Variants in EPHA6 observed in about 807,000 individuals in gnomAD.
The protein encoded by EPHA6 is ephrin type-A receptor 6.
Under a neutral mutation model 112.0 loss-of-function variants are expected in EPHA6, and 50 were observed. The ratio of observed to expected loss-of-function variants is 0.45; its 90% CI spans 0.36 to 0.56. The LOEUF is 0.56. Among genes scored for constraint, EPHA6 ranks in the 20% least tolerant of loss-of-function variants. The pLI, the probability that EPHA6 is intolerant of heterozygous loss-of-function variation, is 0.00. For missense variants in EPHA6, 1,280 were observed against 1,417.4 expected (o/e 0.90, Z 1.56); for synonymous variants, 529 against 490.7 (o/e 1.08, Z -1.03).
intron 3 of EPHA6, among the ~76,000 whole-genome samples, chr3:97,150,088 A>G (rs1370960583): frequency 6.6e-6 from 1 of 151,536 alleles, no homozygotes; most frequent in African/African-American, 2.4e-5. Flanking sequence ...TGTAGATGCA[A>G]TAAAGTAATT....
At chr3:97,024,233 T>C (rs562016677) in intron 3 of EPHA6, among the ~76,000 whole-genome samples, 3 of 152,268 alleles carry the variant, frequency 2.0e-5, no homozygotes, top group South Asian at 4.1e-4. Context: ...TGTAAATATT[T>C]CTCATATGTT....
At chr3:97,164,753 T>G (rs1333070159) in intron 3 of EPHA6, among the ~76,000 whole-genome samples, 6 of 152,120 alleles carry the variant, frequency 3.9e-5, no homozygotes, top group Non-Finnish European at 8.8e-5. Flanking sequence ...CTTTACTTTT[T>G]CTCTCTTCGC....
intron 5 of EPHA6, among the ~76,000 whole-genome samples, chr3:97,362,535 T>G (rs1303335560): frequency 2.6e-5 from 4 of 152,074 alleles, no homozygotes; most frequent in African/African-American, 9.7e-5. Flanking sequence ...GAATGTTATA[T>G]GTATATGTTT....
At chr3:97,655,190 G>A (rs887009695) in intron 14 of EPHA6, among the ~76,000 whole-genome samples, 6 of 150,472 alleles carry the variant, frequency 4.0e-5, no homozygotes, top group African/African-American at 1.5e-4. Context: ...TTCTCTAGAT[G>A]AGGAAATTGA....
At chr3:97,718,695 T>G (rs1032167624) in intron 14 of EPHA6, among the ~76,000 whole-genome samples, 1 of 152,106 alleles carries the variant, frequency 6.6e-6, no homozygotes, top group African/African-American at 2.4e-5. Context: ...CTTTGTAAAT[T>G]TAATTCCCTA....
At chr3:97,463,115 T>G (rs1037393913) in intron 7 of EPHA6, among the ~76,000 whole-genome samples, 2 of 152,178 alleles carry the variant, frequency 1.3e-5, no homozygotes, top group African/African-American at 4.8e-5. Context: ...AAAATTATTA[T>G]TATACTTTAA....
intron 14 of EPHA6, among the ~76,000 whole-genome samples, chr3:97,661,482 A>G (rs994982722): frequency 6.6e-6 from 1 of 152,148 alleles, no homozygotes; most frequent in African/African-American, 2.4e-5. Flanking sequence ...AAATTCTTCT[A>G]TTTTTAAGTA....
chr3:96,963,895 G>C (rs1439755310), intron 2 of EPHA6, among the ~76,000 whole-genome samples: 1 of 152,106 alleles, frequency 6.6e-6, no homozygotes, highest in Admixed American at 6.6e-5. Flanking sequence ...AGGAAGTTCA[G>C]TCTTTTCATG....
chr3:97,291,979 G>A (rs1383642340), intron 5 of EPHA6, among the ~76,000 whole-genome samples: 1 of 152,200 alleles, frequency 6.6e-6, no homozygotes, highest in Non-Finnish European at 1.5e-5. Context: ...GGGCAAGCCA[G>A]GCACGGAGCA....
rs1244297263 is a variant in EPHA6 at position 97,244,282 on chromosome 3, A to G, written c.1601A>G (p.Gln534Arg). 3 of 1,612,742 alleles carry G rather than the reference A, an allele frequency of 1.9e-6. No homozygotes were observed. The highest frequency in any genetic ancestry group is 2.5e-6 in the Non-Finnish European group (3 of 1,179,184). Reference sequence around the variant, plus strand: ...ACAGCTATTACAGTGACCACGGATCAAGATGGTAAGTTCCACTGCTGTTCT... The same window carrying G: ...ACAGCTATTACAGTGACCACGGATCGAGATGGTAAGTTCCACTGCTGTTCT... ...PFTAITVTTD[Q>R]DAPSLIGVVR... The change falls in exon 5 of 18, where the codon CAA becomes CGA. Residue 534 changes from glutamine to arginine, a missense_variant. By Grantham distance (43) the Gln-to-Arg change is conservative. Coordinates refer to ENST00000389672, the MANE Select transcript of EPHA6 (RefSeq NM_001080448.3).
At chr3:97,276,840 G>A (rs1416297738) in intron 5 of EPHA6, among the ~76,000 whole-genome samples, 2 of 152,128 alleles carry the variant, frequency 1.3e-5, no homozygotes, top group Non-Finnish European at 2.9e-5. Flanking sequence ...GTGGGATAAG[G>A]AAAAAGGAAA....
intron 14 of EPHA6, among the ~76,000 whole-genome samples, chr3:97,719,305 A>G (rs1207432781): frequency 4.0e-5 from 6 of 151,858 alleles, no homozygotes; most frequent in Non-Finnish European, 7.4e-5. Flanking sequence ...GTGAGCTCTG[A>G]CTGTCAAAAA....
chr3:97,269,554 A>G (rs955886447), intron 5 of EPHA6, among the ~76,000 whole-genome samples: 3 of 152,178 alleles, frequency 2.0e-5, no homozygotes, highest in Non-Finnish European at 4.4e-5. Context: ...GCAAAGTTCT[A>G]TTGCAATGTT....
At chr3:96,982,564 A>G (rs988649436) in intron 2 of EPHA6, among the ~76,000 whole-genome samples, 1 of 152,298 alleles carries the variant, frequency 6.6e-6, no homozygotes, top group Non-Finnish European at 1.5e-5. Context: ...GTAGATGTCT[A>G]TTAGGTCCGC....
intron 2 of EPHA6, among the ~76,000 whole-genome samples, chr3:96,880,250 C>T (rs1263811791): frequency 6.6e-6 from 1 of 151,930 alleles, no homozygotes; most frequent in African/African-American, 2.4e-5. Context: ...TCACACTGTA[C>T]CCCACAAATA....
intron 11 of EPHA6, among the ~76,000 whole-genome samples, chr3:97,560,096 A>G (rs1229613773): frequency 2.6e-5 from 4 of 151,948 alleles, no homozygotes; most frequent in Non-Finnish European, 5.9e-5. Flanking sequence ...TAAAAACCAA[A>G]GAAGAACTGT....
chr3:97,408,833 T>A (rs1481471520), intron 6 of EPHA6, among the ~76,000 whole-genome samples: 6 of 152,136 alleles, frequency 3.9e-5, no homozygotes, highest in Admixed American at 1.3e-4. Context: ...TTTCAACATA[T>A]GAATTTTGGA....
intron 10 of EPHA6, among the ~76,000 whole-genome samples, chr3:97,500,350 T>G (rs1670018806): frequency 6.6e-6 from 1 of 152,256 alleles, no homozygotes; most frequent in East Asian, 1.9e-4. Context: ...AGCACGATGC[T>G]GACACCTGCT....
chr3:97,266,704 A>C (rs1292598874), intron 5 of EPHA6, among the ~76,000 whole-genome samples: 1 of 149,804 alleles, frequency 6.7e-6, no homozygotes. Flanking sequence ...ACAAGATGGA[A>C]CCTTATCCAT....
Sources: allele counts gnomAD v4.1 joint callset (sites outside exome capture counted in the v4.1 genomes callset), GRCh38; gene constraint gnomAD v4.1.1; transcripts MANE v1.5; gene names NCBI Gene and HGNC (gene_info 2026-07-23, HGNC 2026-07-21).